The following SHISA9 variants were observed in gnomAD, a reference collection of about 807,000 sequenced individuals.
The protein encoded by SHISA9 is protein shisa-9.
Under a neutral mutation model 38.0 loss-of-function variants are expected in SHISA9, and 13 were observed. The observed-to-expected ratio is 0.34, with a 90% CI of 0.22 to 0.54. The LOEUF (loss-of-function observed/expected upper bound fraction) is 0.54. Ranked by LOEUF, SHISA9 falls within the 20% of genes least tolerant of loss-of-function variation. The pLI is 0.91. For synonymous variants in SHISA9, 275 were observed against 242.0 expected (o/e 1.14, Z -1.27); for missense variants, 538 against 575.8 (o/e 0.93, Z 0.67).
the SHISA9 span, among the ~76,000 whole-genome samples, chr16:13,541,806 T>C: frequency 6.6e-6 from 1 of 152,112 alleles, no homozygotes; most frequent in Admixed American, 6.5e-5. Flanking sequence ...AGCAGATCAG[T>C]CACTCAAAGA....
the SHISA9 span, among the ~76,000 whole-genome samples, chr16:13,518,079 T>C: frequency 6.6e-6 from 1 of 152,142 alleles, no homozygotes; most frequent in South Asian, 2.1e-4. Flanking sequence ...TCAGGACCTG[T>C]GATATGTCTC....
intron 2 of SHISA9, among the ~76,000 whole-genome samples, chr16:13,023,315 C>T (rs2072880481): frequency 6.6e-6 from 1 of 152,132 alleles, no homozygotes; most frequent in South Asian, 2.1e-4. Flanking sequence ...TCATGGTTTC[C>T]AGCTTCATCC....
chr16:12,912,748 C>T (rs368526515), intron 1 of SHISA9, among the ~76,000 whole-genome samples: 36 of 152,282 alleles, frequency 2.4e-4, no homozygotes, highest in African/African-American at 7.7e-4. Context: ...TCCCAATCCC[C>T]GCACTGCTTA....
At chr16:13,025,806 C>T (rs1288682225) in intron 2 of SHISA9, among the ~76,000 whole-genome samples, 3 of 151,988 alleles carry the variant, frequency 2.0e-5, no homozygotes, top group African/African-American at 7.2e-5. Flanking sequence ...ACCCTCTTAA[C>T]AACATTTTTT....
the SHISA9 span, among the ~76,000 whole-genome samples, chr16:13,459,399 G>A: frequency 1.3e-5 from 2 of 152,096 alleles, no homozygotes; most frequent in Admixed American, 6.5e-5. Context: ...TCATGCACAG[G>A]ACAAGGGTAG....
chr16:13,324,269 A>C, the SHISA9 span, among the ~76,000 whole-genome samples: 1 of 152,190 alleles, frequency 6.6e-6, no homozygotes, highest in Non-Finnish European at 1.5e-5. Flanking sequence ...GCAGCTCTGA[A>C]TCAGAATTGA....
At chr16:13,218,185 C>T (rs111525132) in intron 4 of SHISA9, among the ~76,000 whole-genome samples, 45 of 152,288 alleles carry the variant, frequency 3.0e-4, no homozygotes, top group African/African-American at 1.1e-3. Context: ...AGGGTCCAGA[C>T]CTCAAAGAGG....
At chr16:13,335,760 G>A in the SHISA9 span, among the ~76,000 whole-genome samples, 2 of 152,216 alleles carry the variant, frequency 1.3e-5, no homozygotes, top group South Asian at 2.1e-4. Context: ...ACCATTTTGG[G>A]GGGGATCGGA....
At chr16:12,963,350 G>C (rs777612225) in intron 2 of SHISA9, among the ~76,000 whole-genome samples, 1 of 152,194 alleles carries the variant, frequency 6.6e-6, no homozygotes, top group Non-Finnish European at 1.5e-5. Flanking sequence ...GGGGGCTGGA[G>C]ACCAAATGTG....
the SHISA9 span, among the ~76,000 whole-genome samples, chr16:13,338,203 C>T: frequency 2.0e-5 from 3 of 152,148 alleles, no homozygotes; most frequent in East Asian, 3.8e-4. Context: ...GCATCTGAGT[C>T]CTGGTGATGT....
chr16:13,485,262 A>C, the SHISA9 span, among the ~76,000 whole-genome samples: 1 of 150,742 alleles, frequency 6.6e-6, no homozygotes, highest in African/African-American at 2.4e-5. Flanking sequence ...TCATTGGTCA[A>C]CTCCCACTTA....
At chr16:13,533,891 C>T in the SHISA9 span, among the ~76,000 whole-genome samples, 1 of 150,846 alleles carries the variant, frequency 6.6e-6, no homozygotes, top group African/African-American at 2.4e-5. Flanking sequence ...TCACACCATT[C>T]TCCTGCCTCA....
chr16:13,350,620 A>C, the SHISA9 span: 1 of 152,192 alleles, frequency 6.6e-6, no homozygotes, highest in Non-Finnish European at 1.5e-5. Context: ...TCTTCAGGTG[A>C]GTGCCTCTGT....
intron 2 of SHISA9, among the ~76,000 whole-genome samples, chr16:13,118,824 G>A (rs1286977868): frequency 6.7e-6 from 1 of 150,144 alleles, no homozygotes; most frequent in Non-Finnish European, 1.5e-5. Context: ...CCACCTCACG[G>A]GTTCAAGCCA....
chr16:13,207,918 A>T (rs769029058), intron 3 of SHISA9, among the ~76,000 whole-genome samples: 3 of 152,214 alleles, frequency 2.0e-5, no homozygotes, highest in Non-Finnish European at 4.4e-5. Flanking sequence ...AAGCAGATTC[A>T]TTTTCTAAAT....
intron 2 of SHISA9, among the ~76,000 whole-genome samples, chr16:13,179,617 C>A (rs1459167490): frequency 6.6e-6 from 1 of 152,210 alleles, no homozygotes; most frequent in Non-Finnish European, 1.5e-5. Flanking sequence ...CTCCTGCCTC[C>A]TGGCCTTGGC....
chr16:13,404,468 G>T, the SHISA9 span, among the ~76,000 whole-genome samples: 2 of 152,216 alleles, frequency 1.3e-5, no homozygotes, highest in Non-Finnish European at 2.9e-5. Context: ...GGCCAAGAGA[G>T]AAGGGAAGGT....
At chr16:13,014,680 A>C (rs2072720091) in intron 2 of SHISA9, among the ~76,000 whole-genome samples, 1 of 152,170 alleles carries the variant, frequency 6.6e-6, no homozygotes, top group African/African-American at 2.4e-5. Flanking sequence ...TACAGCAGAG[A>C]GCTGGGAGGA....
At chr16:12,992,608 A>G (rs2072402654) in intron 2 of SHISA9, among the ~76,000 whole-genome samples, 1 of 152,188 alleles carries the variant, frequency 6.6e-6, no homozygotes, top group Non-Finnish European at 1.5e-5. Context: ...GATAAGAGCC[A>G]GAATCTGGTC....
Sources: allele counts gnomAD v4.1 joint callset (sites outside exome capture counted in the v4.1 genomes callset), GRCh38; gene constraint gnomAD v4.1.1; transcripts MANE v1.5; gene names NCBI Gene and HGNC (gene_info 2026-07-23, HGNC 2026-07-21).